The following CDK19 variants were observed in gnomAD, a reference collection of about 807,000 sequenced individuals.
CDK19 encodes cyclin dependent kinase 19, also known as cyclin-dependent kinase 19.
Under a neutral mutation model 68.3 loss-of-function variants are expected in CDK19, and 20 were observed. The observed-to-expected ratio is 0.29, with a 90% CI of 0.21 to 0.43. CDK19 has a LOEUF of 0.43. CDK19 is among the 20% of genes least tolerant of loss of function. CDK19 has a pLI of 1.00. For missense variants in CDK19, 339 were observed against 623.5 expected (o/e 0.54, Z 4.86); for synonymous variants, 221 against 222.8 (o/e 0.99, Z 0.07).
chr6:110,656,021 C>T (rs1217117889), intron 4 of CDK19, among the ~76,000 whole-genome samples: 1 of 152,160 alleles, frequency 6.6e-6, no homozygotes, highest in Non-Finnish European at 1.5e-5. Context: ...GCCTGGAATG[C>T]TCTCCCCACC....
chr6:110,630,097 G>C (rs531851993), intron 6 of CDK19, among the ~76,000 whole-genome samples: 2 of 152,250 alleles, frequency 1.3e-5, no homozygotes, highest in East Asian at 3.9e-4. Context: ...AAAGTATATG[G>C]GTCCCGCACA....
At position 110,688,642 on chromosome 6, in the gene CDK19, G is replaced by C. The variant is rs538070346; in HGVS notation, c.205-18101C>G. ...CCCACCAGGGAACCTGGAAATCCAG[G>C]CCACAGAGAAGGGCCTTAACCCCAC... On this transcript the variant is annotated intron_variant, in intron 2 of 12. Coordinates refer to ENST00000368911, the MANE Select transcript of CDK19 (RefSeq NM_015076.5). Among the ~76,000 whole-genome samples, 25 of 152,290 alleles carry C rather than the reference G, an allele frequency of 1.6e-4. No individual in the cohort carries two copies. The South Asian group carries it at 5.2e-3, about 32-fold the overall frequency.
intron 12 of CDK19, among the ~76,000 whole-genome samples, chr6:110,619,433 G>A (rs1173550365): frequency 6.6e-6 from 1 of 151,958 alleles, no homozygotes; most frequent in African/African-American, 2.4e-5. Flanking sequence ...AAAACATGTT[G>A]TTGCCTGGGG....
At chr6:110,666,143 C>T (rs879793768) in intron 4 of CDK19, among the ~76,000 whole-genome samples, 27 of 149,502 alleles carry the variant, frequency 1.8e-4, no homozygotes, top group African/African-American at 3.4e-4. Context: ...AGGCTGGGCA[C>T]GGTGGCTCAC....
At chr6:110,802,478 G>A (rs1782408187) in intron 1 of CDK19, among the ~76,000 whole-genome samples, 1 of 152,096 alleles carries the variant, frequency 6.6e-6, no homozygotes. Flanking sequence ...CTAAACAATG[G>A]GTACACACAG....
intron 2 of CDK19, among the ~76,000 whole-genome samples, chr6:110,715,471 T>C (rs1241114675): frequency 1.3e-5 from 2 of 152,118 alleles, no homozygotes; most frequent in Non-Finnish European, 1.5e-5. Context: ...CTGTCATTCA[T>C]TTTGTGTATT....
intron 4 of CDK19, among the ~76,000 whole-genome samples, chr6:110,648,029 C>G (rs1328546672): frequency 6.6e-6 from 1 of 152,076 alleles, no homozygotes; most frequent in Non-Finnish European, 1.5e-5. Flanking sequence ...GAATTTAACA[C>G]TCATTCATGA....
intron 4 of CDK19, among the ~76,000 whole-genome samples, chr6:110,642,469 C>A (rs1306870812): frequency 6.6e-6 from 1 of 152,090 alleles, no homozygotes; most frequent in African/African-American, 2.4e-5. Flanking sequence ...CAGGAAAAAT[C>A]CTTGCCCTCG....
intron 1 of CDK19, among the ~76,000 whole-genome samples, chr6:110,812,152 G>C (rs538098582): frequency 8.0e-5 from 12 of 150,632 alleles, no homozygotes; most frequent in African/African-American, 2.7e-4. Flanking sequence ...ACAGAGTCTC[G>C]CTCTGTCGCC....
chr6:110,734,703 G>C (rs1475389993), intron 2 of CDK19, among the ~76,000 whole-genome samples: 2 of 152,028 alleles, frequency 1.3e-5, no homozygotes, highest in South Asian at 2.1e-4. Context: ...CCAAGTATGA[G>C]CTGGATGCTT....
At chr6:110,617,546 G>A (rs896388929) in intron 12 of CDK19, among the ~76,000 whole-genome samples, 2 of 151,916 alleles carry the variant, frequency 1.3e-5, no homozygotes. Flanking sequence ...CACTTTAGGA[G>A]GCCAAGGAAG....
intron 1 of CDK19, among the ~76,000 whole-genome samples, chr6:110,780,046 C>CGGGG (rs1012344643): frequency 3.9e-5 from 6 of 151,962 alleles, no homozygotes; most frequent in Non-Finnish European, 8.8e-5. Context: ...GGCAAAACCC[C>CGGGG]GTCTCTACTA....
chr6:110,637,843 G>T (rs746987483), intron 5 of CDK19, among the ~76,000 whole-genome samples: 8 of 152,092 alleles, frequency 5.3e-5, no homozygotes, highest in Non-Finnish European at 1.2e-4. Context: ...TTAGCCAGGC[G>T]TGGTGGCGGG....
At chr6:110,763,406 C>A (rs541760447) in intron 1 of CDK19, among the ~76,000 whole-genome samples, 3 of 148,026 alleles carry the variant, frequency 2.0e-5, no homozygotes, top group African/African-American at 5.0e-5. Context: ...TCTCACCACT[C>A]TTATTATGTT....
Position 110,676,484 on chromosome 6 carries a change from T to G in CDK19, c.205-5943A>C, listed in dbSNP as rs186804871. ...TGGGTAAAATGCTATCAAATAGCAT[T>G]GCATGTTACAGAGAAATCTTTCAAG... On this transcript the variant is annotated intron_variant, in intron 2 of 12. Transcript: ENST00000368911. 3.3e-5 allele frequency among the ~76,000 whole-genome samples: 5 copies of G among 152,318 alleles called. No homozygotes were observed. The East Asian group carries it at 7.7e-4, about 24-fold the overall frequency.
Position 110,796,845 on chromosome 6 carries a change from G to A in CDK19, c.128+18164C>T, listed in dbSNP as rs190693786. Among the ~76,000 whole-genome samples the A allele has an allele frequency of 7.8e-3, 1,165 of 149,828 alleles. 17 individuals carry two copies. Among genetic ancestry groups the A allele is most frequent in the African/African-American group, 0.027 (1,109 of 40,772 alleles). On this transcript the variant is annotated intron_variant, in intron 1 of 12. Transcript: ENST00000368911. ...CAACATGGTGAAATCCCGTCTCTAC[G>A]AAAAATACAAAAAAATTAGCCAGGC...
chr6:110,729,820 C>A (rs1776615681), intron 2 of CDK19, among the ~76,000 whole-genome samples: 1 of 151,952 alleles, frequency 6.6e-6, no homozygotes, highest in African/African-American at 2.4e-5. Flanking sequence ...ATGTAGCACA[C>A]TGCAGCCTCA....
chr6:110,733,113 C>T (rs554511622), intron 2 of CDK19, among the ~76,000 whole-genome samples: 3 of 152,152 alleles, frequency 2.0e-5, no homozygotes, highest in Non-Finnish European at 1.5e-5. Context: ...ACTCAACCCT[C>T]CTGCCCACCC....
intron 1 of CDK19, among the ~76,000 whole-genome samples, chr6:110,781,402 C>A (rs563408034): frequency 6.6e-6 from 1 of 152,218 alleles, no homozygotes; most frequent in African/African-American, 2.4e-5. Flanking sequence ...GATCTGCCCC[C>A]ATGACCCAAA....
Sources: gnomAD v4.1 joint callset for allele counts (sites outside exome capture counted in the v4.1 genomes callset) on GRCh38, gnomAD v4.1.1 for gene constraint, MANE v1.5 for transcripts, NCBI Gene and HGNC (gene_info 2026-07-23, HGNC 2026-07-21) for gene names.